Variants in DNAH12 observed in about 807,000 individuals in gnomAD.
The protein encoded by DNAH12 is dynein axonemal heavy chain 12.
A neutral mutation model predicts 371.5 loss-of-function variants in DNAH12; 285 were observed. The observed-to-expected ratio is 0.77, with a 90% CI of 0.70 to 0.85. DNAH12 has a LOEUF of 0.85. Ranked by LOEUF, DNAH12 falls within the 40% of genes least tolerant of loss-of-function variation. The pLI is 0.00. For synonymous variants in DNAH12, 1,200 were observed against 1,213.0 expected, an observed-to-expected ratio of 0.99 and a Z score of 0.22; for missense variants, 3,611 against 3,689.4, an observed-to-expected ratio of 0.98 and a Z score of 0.55.
chr3:57,530,396 G>T, intron 2 of DNAH12: 2 of 553,808 alleles, frequency 3.6e-6, no homozygotes, highest in Admixed American at 3.0e-5. Flanking sequence ...CCAACTCCCA[G>T]GCCTCTAGCA....
chr3:57,428,105 C>G (rs2064839889), intron 34 of DNAH12, among the ~76,000 whole-genome samples: 1 of 151,672 alleles, frequency 6.6e-6, no homozygotes, highest in Non-Finnish European at 1.5e-5. Flanking sequence ...ATTTTTATAT[C>G]TTTAGTAGAG....
intron 29 of DNAH12, among the ~76,000 whole-genome samples, chr3:57,443,559 T>G (rs2065378892): frequency 6.6e-6 from 1 of 152,170 alleles, no homozygotes; most frequent in Non-Finnish European, 1.5e-5. Context: ...TATTTTAAAT[T>G]TTTAATTGAC....
intron 32 of DNAH12, among the ~76,000 whole-genome samples, chr3:57,431,201 AC>A (rs1559650980): frequency 6.8e-6 from 1 of 147,428 alleles, no homozygotes; most frequent in Admixed American, 6.7e-5. Context: ...CTTCTATTCC[AC>A]CCCCAGTGAC....
Position 57,413,873 on chromosome 3 carries a change from C to G in DNAH12, c.5893G>C (p.Val1965Leu). Residue 1965 changes from valine (V) to leucine (L), a missense_variant, in exon 39 of 74, where the codon GTC (valine) becomes CTC (leucine). Transcript: ENST00000495027. ...MARLDKRRKG[V>L]FGPPMGKKCI... ...TTCTTTCCCATAGGTGGTCCAAAGA[C>G]TCCTTTGCGTCTTTTATCCAATCTA... 1 of 1,551,046 alleles carries G rather than the reference C, an allele frequency of 6.4e-7. No homozygotes were observed. The highest frequency in any genetic ancestry group is 8.7e-7 in the Non-Finnish European group (1 of 1,146,684).
At chr3:57,383,144 C>G (rs971739960) in intron 49 of DNAH12, among the ~76,000 whole-genome samples, 1 of 152,150 alleles carries the variant, frequency 6.6e-6, no homozygotes, top group African/African-American at 2.4e-5. Flanking sequence ...ATTTCTGCAG[C>G]GTGGCTTTGT....
At chr3:57,346,938 A>G (rs1170558908) in intron 60 of DNAH12, among the ~76,000 whole-genome samples, 2 of 152,286 alleles carry the variant, frequency 1.3e-5, no homozygotes, top group South Asian at 2.1e-4. Context: ...ATATGAATAG[A>G]CCTGTATCTA....
chr3:57,298,512 G>A (rs953071943), intron 70 of DNAH12, among the ~76,000 whole-genome samples: 1 of 152,194 alleles, frequency 6.6e-6, no homozygotes, highest in African/African-American at 2.4e-5. Context: ...AGCCACTTTA[G>A]CTCCTGGAGT....
the DNAH12 span, among the ~76,000 whole-genome samples, chr3:57,553,828 CTT>C: frequency 6.3e-5 from 9 of 142,184 alleles, no homozygotes; most frequent in Admixed American, 1.4e-4. Context: ...GAAGATATTT[CTT>C]TTTTTTTTTT....
At chr3:57,406,549 A>C (rs73074520) in intron 40 of DNAH12, among the ~76,000 whole-genome samples, 2,056 of 152,224 alleles carry the variant, frequency 0.014, 21 homozygotes, top group South Asian at 0.051. Context: ...TTTATTTCCC[A>C]GTTATTATGG....
chr3:57,527,239 G>A (rs944169157), intron 2 of DNAH12, among the ~76,000 whole-genome samples: 1 of 152,158 alleles, frequency 6.6e-6, no homozygotes, highest in Non-Finnish European at 1.5e-5. Context: ...ACTCATGCCT[G>A]TAATTCCAGT....
At chr3:57,342,080 T>G (rs1553656394) in intron 60 of DNAH12, among the ~76,000 whole-genome samples, 1 of 152,140 alleles carries the variant, frequency 6.6e-6, no homozygotes, top group Admixed American at 6.5e-5. Context: ...AGAGCAAAAC[T>G]AGACTCTCTC....
At chr3:57,297,016 G>A in intron 70 of DNAH12, 32 bp from the exon 71 acceptor site, 1 of 1,547,436 alleles carries the variant, frequency 6.5e-7, no homozygotes, top group Non-Finnish European at 8.7e-7. Context: ...CATTATGTCA[G>A]TTTTTAAAGT....
chr3:57,319,861 AG>A (rs1234998036), intron 65 of DNAH12, among the ~76,000 whole-genome samples: 17 of 152,126 alleles, frequency 1.1e-4, no homozygotes, highest in African/African-American at 4.1e-4. Flanking sequence ...ACAGGATTAC[AG>A]GCATGAGCCA....
At chr3:57,494,775 G>A (rs931990054) in intron 11 of DNAH12, among the ~76,000 whole-genome samples, 3 of 152,298 alleles carry the variant, frequency 2.0e-5, no homozygotes, top group East Asian at 3.9e-4. Flanking sequence ...TTGGGAGGCT[G>A]AGGCAGGCAG....
At chr3:57,466,571 C>G (rs1322749848) in intron 17 of DNAH12, among the ~76,000 whole-genome samples, 1 of 152,134 alleles carries the variant, frequency 6.6e-6, no homozygotes, top group Non-Finnish European at 1.5e-5. Flanking sequence ...TTCTTATTCT[C>G]TCTTTATAAA....
chr3:57,334,994 ATG>A, intron 60 of DNAH12, 54 bp from the exon 61 acceptor site: 1 of 1,499,380 alleles, frequency 6.7e-7, no homozygotes, highest in South Asian at 1.4e-5. Flanking sequence ...AAATTGAATG[ATG>A]TCAACTTCCG....
At chr3:57,424,643 G>A (rs2064703007) in intron 35 of DNAH12, among the ~76,000 whole-genome samples, 1 of 151,690 alleles carries the variant, frequency 6.6e-6, no homozygotes, top group African/African-American at 2.4e-5. Flanking sequence ...AGGTGTGGTG[G>A]CAGTCACCTG....
chr3:57,339,602 C>T (rs1447577660), intron 60 of DNAH12, among the ~76,000 whole-genome samples: 1 of 151,532 alleles, frequency 6.6e-6, no homozygotes, highest in Non-Finnish European at 1.5e-5. Context: ...TGAATGTTCC[C>T]AACACAAATC....
At chr3:57,348,537 C>T (rs1231019555) in intron 60 of DNAH12, among the ~76,000 whole-genome samples, 3 of 152,060 alleles carry the variant, frequency 2.0e-5, no homozygotes, top group Non-Finnish European at 2.9e-5. Context: ...CTCATAGATG[C>T]TAACAAATAT....
Sources: allele counts gnomAD v4.1 joint callset (sites outside exome capture counted in the v4.1 genomes callset), GRCh38; gene constraint gnomAD v4.1.1; transcripts MANE v1.5; gene names NCBI Gene and HGNC (gene_info 2026-07-23, HGNC 2026-07-21).